FAM227B: variants seen among roughly 807,000 people sequenced by gnomAD.
The protein encoded by FAM227B is protein FAM227B.
Under a neutral mutation model 73.8 loss-of-function variants are expected in FAM227B, and 88 were observed. The ratio of observed to expected loss-of-function variants is 1.19; its 90% CI spans 1.00 to 1.42. FAM227B has a LOEUF of 1.42. FAM227B is among the 40% of genes most tolerant of loss of function. The probability of loss-of-function intolerance (pLI) is 0.00; values close to 1 mark genes in which losing one functional copy is unlikely to be tolerated. For synonymous variants in FAM227B, 210 were observed against 190.5 expected, an observed-to-expected ratio of 1.10 and a Z score of -0.84; for missense variants, 632 against 590.9, an observed-to-expected ratio of 1.07 and a Z score of -0.72.
intron 13 of FAM227B, among the ~76,000 whole-genome samples, chr15:49,360,420 C>T (rs975867159): frequency 1.3e-5 from 2 of 152,032 alleles, no homozygotes; most frequent in African/African-American, 4.8e-5. Flanking sequence ...TTTAACGAGA[C>T]CCATACAGAC....
intron 13 of FAM227B, chr15:49,365,493 T>C (rs1468788446): frequency 4.6e-6 from 4 of 860,304 alleles, no homozygotes; most frequent in Non-Finnish European, 8.1e-6. Flanking sequence ...ACACACTCAT[T>C]ACTGAGAAAC....
At position 49,526,076 on chromosome 15, in the gene FAM227B, C is replaced by A. The variant is rs1381840975; in HGVS notation, c.874+15604G>T. ...ACCTAATAGACATTTAAAGAAGATT[C>A]TACCCAACAATTGCAAAAGAAACAT... is the stretch of plus-strand genomic sequence containing the variant. On this transcript the variant is annotated intron_variant, in intron 10 of 15. Coordinates refer to ENST00000299338, the MANE Select transcript of FAM227B (RefSeq NM_152647.3). Among the ~76,000 whole-genome samples, 3 of 152,004 alleles carry A rather than the reference C, an allele frequency of 2.0e-5. No homozygotes were observed. The South Asian group carries it at 6.2e-4, about 31-fold the overall frequency.
At chr15:49,486,944 A>T (rs997506146) in intron 11 of FAM227B, 1 of 151,934 alleles carries the variant, frequency 6.6e-6, no homozygotes, top group Non-Finnish European at 1.5e-5. Flanking sequence ...GATACACCTA[A>T]GGTCACGCAG....
At chr15:49,380,473 A>G (rs2151518402) in intron 11 of FAM227B, among the ~76,000 whole-genome samples, 1 of 152,278 alleles carries the variant, frequency 6.6e-6, no homozygotes, top group Non-Finnish European at 1.5e-5. Context: ...AAAAAAATAT[A>G]TTTAATAAAA....
chr15:49,481,150 A>T (rs985311202), intron 11 of FAM227B, among the ~76,000 whole-genome samples: 21 of 152,218 alleles, frequency 1.4e-4, no homozygotes, highest in Admixed American at 7.2e-4. Flanking sequence ...GATATTTTAC[A>T]ATGCTAAGAT....
At chr15:49,553,073 T>C (rs1488921733) in intron 9 of FAM227B, among the ~76,000 whole-genome samples, 1 of 152,180 alleles carries the variant, frequency 6.6e-6, no homozygotes, top group Non-Finnish European at 1.5e-5. Flanking sequence ...ATTGTAATAT[T>C]CACTGTCTGC....
At chr15:49,498,942 G>A (rs8032952) in intron 11 of FAM227B, among the ~76,000 whole-genome samples, 49,231 of 151,460 alleles carry the variant, frequency 0.33, 8,725 homozygotes, top group African/African-American at 0.45. Flanking sequence ...CGAGGCGGGC[G>A]GATCACGAGG....
rs146513403 is a variant in FAM227B, at chr15:49,344,275, T to C, written c.1272-8779A>G. 756 of 152,330 alleles carry C rather than the reference T, an allele frequency of 5.0e-3. 9 individuals are homozygous for C. Among genetic ancestry groups the C allele is most frequent in the African/African-American group, 0.017 (715 of 41,578 alleles). The allele number at this position is 152,330 out of a possible 1,614,324, so 9.4% of individuals were successfully genotyped here. ...TCATTTTTCTGTGTCTTTTCATCTG[T>C]TACATACAAATACATATTTTACAAT... On this transcript the variant is annotated intron_variant, in intron 13 of 15. Transcript: ENST00000299338.
chr15:49,337,508 C>CT (rs33973907), intron 13 of FAM227B, among the ~76,000 whole-genome samples: 13,355 of 35,890 alleles, frequency 0.37, 4,204 homozygotes, highest in Non-Finnish European at 0.47. Flanking sequence ...CATTTACCCA[C>CT]TTTTTTTTTT....
intron 13 of FAM227B, chr15:49,365,632 T>G: frequency 1.8e-6 from 2 of 1,106,138 alleles, no homozygotes; most frequent in Non-Finnish European, 2.8e-6. Context: ...AAAAAATACA[T>G]CATAGAGGAG....
chr15:49,494,067 T>A (rs1226542121), intron 11 of FAM227B, among the ~76,000 whole-genome samples: 2 of 151,986 alleles, frequency 1.3e-5, no homozygotes, highest in African/African-American at 4.8e-5. Context: ...CCATAAGTGA[T>A]AGCTGACAGA....
intron 10 of FAM227B, among the ~76,000 whole-genome samples, chr15:49,530,483 G>C (rs1302506010): frequency 2.0e-5 from 3 of 151,762 alleles, no homozygotes; most frequent in African/African-American, 7.2e-5. Flanking sequence ...TTAATCTGAA[G>C]ATATCAAAAT....
At chr15:49,550,903 C>T (rs1440128545) in intron 9 of FAM227B, among the ~76,000 whole-genome samples, 2 of 152,176 alleles carry the variant, frequency 1.3e-5, no homozygotes, top group African/African-American at 4.8e-5. Flanking sequence ...AGGCTGCAAT[C>T]TCGGCACTTT....
rs537786413 is a variant in FAM227B, at chr15:49,585,228, T to C, written c.405+2788A>G. On this transcript the variant is annotated intron_variant, in intron 5 of 15. Coordinates refer to ENST00000299338, the MANE Select transcript of FAM227B (RefSeq NM_152647.3). ...GAGGATGTGGAGAAATAGGAACACT[T>C]TTACACTGTTGGTGGGGACTGTAAA... 2.8e-4 allele frequency among the ~76,000 whole-genome samples: 42 copies of C among 152,234 alleles called. No individual in the cohort carries two copies. The South Asian group carries it at 8.7e-3, about 32-fold the overall frequency.
chr15:49,590,064 AAT>A, intron 3 of FAM227B, 57 bp from the exon 4 acceptor site: 1 of 900,840 alleles, frequency 1.1e-6, no homozygotes, highest in South Asian at 1.4e-5. Context: ...GAATTTAAAT[AAT>A]AGAGTTCAAA....
At chr15:49,554,864 T>C (rs1316762665) in intron 9 of FAM227B, among the ~76,000 whole-genome samples, 1 of 152,218 alleles carries the variant, frequency 6.6e-6, no homozygotes, top group Non-Finnish European at 1.5e-5. Flanking sequence ...TATTCTGCCA[T>C]TGTGCTCTGC....
At chr15:49,348,219 G>C (rs2041802056) in intron 13 of FAM227B, among the ~76,000 whole-genome samples, 1 of 152,056 alleles carries the variant, frequency 6.6e-6, no homozygotes. Flanking sequence ...GGGTTGCTTT[G>C]AAGGACTTTG....
intron 9 of FAM227B, among the ~76,000 whole-genome samples, chr15:49,551,992 C>A (rs1225111268): frequency 6.6e-6 from 1 of 152,102 alleles, no homozygotes; most frequent in African/African-American, 2.4e-5. Context: ...TTTATTTAGT[C>A]TTTCTACTTA....
chr15:49,499,900 A>G (rs1381174689), intron 11 of FAM227B, among the ~76,000 whole-genome samples: 9 of 152,342 alleles, frequency 5.9e-5, no homozygotes, highest in African/African-American at 4.8e-5. Context: ...TCTGAACTAT[A>G]AAGCTACATA....
Sources: allele counts gnomAD v4.1 joint callset (sites outside exome capture counted in the v4.1 genomes callset), GRCh38; gene constraint gnomAD v4.1.1; transcripts MANE v1.5; gene names NCBI Gene and HGNC (gene_info 2026-07-23, HGNC 2026-07-21).